The following DAB1 variants were observed in gnomAD, a reference collection of about 807,000 sequenced individuals.
The protein encoded by DAB1 is DAB adaptor protein 1.
In DAB1, 15 loss-of-function variants were observed where a neutral mutation model predicts 64.6. The observed-to-expected ratio is 0.23, with a 90% confidence interval of 0.16 to 0.36. The LOEUF (loss-of-function observed/expected upper bound fraction) is 0.36, where lower values mean the gene tolerates loss of function less well. DAB1 is among the 10% of genes least tolerant of loss of function. The pLI is 1.00. For missense variants in DAB1, 596 were observed against 706.7 expected (o/e 0.84, Z 1.78); for synonymous variants, 235 against 251.9 (o/e 0.93, Z 0.64).
chr1:57,116,293 C>A (rs1656101446), intron 4 of DAB1, among the ~76,000 whole-genome samples: 2 of 151,684 alleles, frequency 1.3e-5, no homozygotes, highest in Admixed American at 6.6e-5. Flanking sequence ...GAAACCCCAT[C>A]TCTACTAAAA....
At chr1:57,895,911 G>A (rs967213102) in intron 5 of DAB1, among the ~76,000 whole-genome samples, 60 of 152,164 alleles carry the variant, frequency 3.9e-4, no homozygotes, top group Non-Finnish European at 8.5e-4. Flanking sequence ...TCAAAACCCA[G>A]TTTTCCTAAA....
intron 3 of DAB1, among the ~76,000 whole-genome samples, chr1:58,472,020 G>A (rs1645365171): frequency 6.6e-6 from 1 of 152,216 alleles, no homozygotes; most frequent in African/African-American, 2.4e-5. Flanking sequence ...GTTTAGTAGA[G>A]TTCCCAACAC....
intron 4 of DAB1, among the ~76,000 whole-genome samples, chr1:58,169,668 C>A (rs1656054135): frequency 1.3e-5 from 2 of 152,276 alleles, no homozygotes; most frequent in Admixed American, 1.3e-4. Flanking sequence ...GCAAAGCTTG[C>A]AATTTACACC....
rs548332875 is a variant in DAB1, at chr1:57,386,386, A to AAAAG, written c.-137+37543_-137+37544insCTTT. Among the ~76,000 whole-genome samples, 13 of 144,306 alleles carry AAAAG rather than the reference A, an allele frequency of 9.0e-5. 1 individual carries two copies. Among genetic ancestry groups the AAAAG allele is most frequent in the African/African-American group, 1.6e-4 (6 of 37,888 alleles). The allele number at this position is 144,306 out of a possible 152,430, so 94.7% of individuals were successfully genotyped here. On this transcript the variant is annotated intron_variant, in intron 1 of 14. Coordinates refer to ENST00000371236, the MANE Select transcript of DAB1 (RefSeq NM_001365792.1). ...CTTGGGAAAAAAAAAAAAAAAAAAA[A>AAAAG]ACCCGTCTTTTTCATCTCCATAAAC...
intron 7 of DAB1, among the ~76,000 whole-genome samples, chr1:57,644,199 G>A (rs2101646504): frequency 6.6e-6 from 1 of 152,250 alleles, no homozygotes; most frequent in Non-Finnish European, 1.5e-5. Context: ...TGAGGAGCCT[G>A]ATTTGGAAGT....
At chr1:58,248,322 C>G (rs1409394700) in intron 4 of DAB1, among the ~76,000 whole-genome samples, 1 of 152,162 alleles carries the variant, frequency 6.6e-6, no homozygotes, top group East Asian at 1.9e-4. Context: ...ACTCCTTCCG[C>G]TCAGCTCAGA....
chr1:58,405,466 A>G (rs184945686), intron 3 of DAB1, among the ~76,000 whole-genome samples: 78 of 152,202 alleles, frequency 5.1e-4, no homozygotes, highest in African/African-American at 1.8e-3. Context: ...CCTAAGCTCA[A>G]GTGATCCTCC....
chr1:58,004,761 GAC>G (rs1646556336), intron 5 of DAB1, among the ~76,000 whole-genome samples: 1 of 151,880 alleles, frequency 6.6e-6, no homozygotes. Flanking sequence ...ATCATTGCAT[GAC>G]GTGTTTGTGA....
At chr1:57,286,000 G>C (rs1672288549) in intron 2 of DAB1, among the ~76,000 whole-genome samples, 1 of 152,092 alleles carries the variant, frequency 6.6e-6, no homozygotes, top group African/African-American at 2.4e-5. Flanking sequence ...TCTGGAATGG[G>C]CACCATTTGA....
chr1:57,717,240 T>G (rs1219282222), intron 6 of DAB1, among the ~76,000 whole-genome samples: 1 of 148,152 alleles, frequency 6.7e-6, no homozygotes, highest in Non-Finnish European at 1.5e-5. Flanking sequence ...GTCTCAAAAA[T>G]TTAAAAGAAT....
chr1:58,214,138 T>A (rs1471812769), intron 4 of DAB1, among the ~76,000 whole-genome samples: 1 of 152,170 alleles, frequency 6.6e-6, no homozygotes, highest in Non-Finnish European at 1.5e-5. Context: ...TGCAGCCTCC[T>A]GTCATAAACT....
intron 7 of DAB1, among the ~76,000 whole-genome samples, chr1:57,463,859 G>C (rs1686869252): frequency 6.6e-6 from 1 of 152,084 alleles, no homozygotes; most frequent in South Asian, 2.1e-4. Context: ...ATAAGACACG[G>C]CACTTGTCTA....
At chr1:57,349,500 A>G (rs538637004) in intron 1 of DAB1, among the ~76,000 whole-genome samples, 1 of 152,278 alleles carries the variant, frequency 6.6e-6, no homozygotes, top group East Asian at 1.9e-4. Context: ...TTTTCTCCAA[A>G]TAAGTAAGGG....
At chr1:57,186,781 A>G (rs894125891) in intron 2 of DAB1, among the ~76,000 whole-genome samples, 2 of 152,222 alleles carry the variant, frequency 1.3e-5, no homozygotes, top group African/African-American at 4.8e-5. Context: ...TTGTATTCCA[A>G]GTGATGGCTT....
chr1:57,963,257 A>T (rs188409260), intron 5 of DAB1, among the ~76,000 whole-genome samples: 34 of 152,350 alleles, frequency 2.2e-4, no homozygotes, highest in Admixed American at 2.0e-3. Flanking sequence ...ACCATGACTA[A>T]TGCCATGAAG....
intron 7 of DAB1, among the ~76,000 whole-genome samples, chr1:57,493,351 C>A (rs978954323): frequency 6.6e-6 from 1 of 152,048 alleles, no homozygotes. Context: ...CTAAATTTAG[C>A]TATATTGGGC....
chr1:57,474,845 T>G (rs1643914820), intron 7 of DAB1, among the ~76,000 whole-genome samples: 1 of 152,176 alleles, frequency 6.6e-6, no homozygotes, highest in Non-Finnish European at 1.5e-5. Flanking sequence ...TGATGTCAAG[T>G]GCTCTAAAAA....
chr1:57,972,656 C>A (rs1645826765), intron 5 of DAB1, among the ~76,000 whole-genome samples: 1 of 152,246 alleles, frequency 6.6e-6, no homozygotes. Context: ...AACAGAAGGT[C>A]TTCTCTTGAG....
chr1:57,161,864 A>AC (rs1491470521), intron 2 of DAB1, among the ~76,000 whole-genome samples: 24 of 152,216 alleles, frequency 1.6e-4, no homozygotes, highest in Admixed American at 6.5e-4. Flanking sequence ...AAAAAAAAAA[A>AC]AGTTCATACT....
Sources: gnomAD v4.1 joint callset for allele counts (sites outside exome capture counted in the v4.1 genomes callset) on GRCh38, gnomAD v4.1.1 for gene constraint, MANE v1.5 for transcripts, NCBI Gene and HGNC (gene_info 2026-07-23, HGNC 2026-07-21) for gene names.